DLC1: variants seen among roughly 807,000 people sequenced by gnomAD.
DLC1 encodes the protein rho GTPase-activating protein 7.
Under a neutral mutation model 140.3 loss-of-function variants are expected in DLC1, and 54 were observed. The observed-to-expected ratio is 0.38, with a 90% CI of 0.31 to 0.48. The LOEUF is 0.48. Ranked by LOEUF, DLC1 falls within the 20% of genes least tolerant of loss-of-function variation. The pLI is 0.96. For missense variants in DLC1, 2,536 were observed against 1,907.0 expected, an observed-to-expected ratio of 1.33 and a Z score of -6.14; for synonymous variants, 986 against 728.1, an observed-to-expected ratio of 1.35 and a Z score of -5.70.
chr8:13,530,821 G>C (rs944615153), intron 1 of DLC1, among the ~76,000 whole-genome samples: 2 of 152,064 alleles, frequency 1.3e-5, no homozygotes, highest in African/African-American at 4.8e-5. Context: ...TTTCATTTCG[G>C]AGTCATGAAA....
chr8:13,395,827 A>C (rs1837015172), intron 3 of DLC1, among the ~76,000 whole-genome samples: 1 of 150,790 alleles, frequency 6.6e-6, no homozygotes, highest in Non-Finnish European at 1.5e-5. Context: ...ATTTTGGATC[A>C]GGGCCATGTC....
chr8:13,145,811 A>C (rs933189583), intron 5 of DLC1, among the ~76,000 whole-genome samples: 4 of 152,240 alleles, frequency 2.6e-5, no homozygotes, highest in African/African-American at 9.6e-5. Flanking sequence ...ATATGAAGGG[A>C]ATATAAGATC....
intron 2 of DLC1, among the ~76,000 whole-genome samples, chr8:13,424,923 T>C (rs1838488062): frequency 6.6e-6 from 1 of 152,188 alleles, no homozygotes; most frequent in Non-Finnish European, 1.5e-5. Context: ...GCTTAGTACA[T>C]AATGTACCAA....
chr8:13,451,070 A>G (rs1236180075), intron 2 of DLC1, among the ~76,000 whole-genome samples: 1 of 143,352 alleles, frequency 7.0e-6, no homozygotes, highest in Non-Finnish European at 1.5e-5. Context: ...AAAAAAAAAG[A>G]AAAAAAGAAA....
intron 5 of DLC1, among the ~76,000 whole-genome samples, chr8:13,199,456 C>T (rs923946773): frequency 2.6e-5 from 4 of 152,100 alleles, no homozygotes; most frequent in African/African-American, 9.7e-5. Flanking sequence ...GATGGGATTA[C>T]AGGCTTGAGC....
intron 4 of DLC1, among the ~76,000 whole-genome samples, chr8:13,317,926 CACTT>C: frequency 6.6e-6 from 1 of 152,272 alleles, no homozygotes; most frequent in Non-Finnish European, 1.5e-5. Context: ...GAATAGGCAA[CACTT>C]ACTTAGTGGT....
intron 1 of DLC1, among the ~76,000 whole-genome samples, chr8:13,565,439 G>A (rs1017099425): frequency 6.6e-6 from 1 of 152,122 alleles, no homozygotes; most frequent in African/African-American, 2.4e-5. Context: ...GGAAAATATT[G>A]AGCCCTATTG....
upstream of DLC1, among the ~76,000 whole-genome samples, chr8:13,516,250 A>T (rs546916244): frequency 3.3e-5 from 5 of 152,320 alleles, no homozygotes; most frequent in Admixed American, 2.0e-4. Context: ...TAGGAAGTGC[A>T]AGAATAATTC....
intron 7 of DLC1, among the ~76,000 whole-genome samples, chr8:13,107,849 C>T (rs935702833): frequency 6.6e-6 from 1 of 152,030 alleles, no homozygotes; most frequent in Non-Finnish European, 1.5e-5. Flanking sequence ...TCAAGACCAG[C>T]CTGGCCAGTA....
At chr8:13,599,195 A>G (rs993510275) in intron 1 of DLC1, among the ~76,000 whole-genome samples, 24 of 151,930 alleles carry the variant, frequency 1.6e-4, no homozygotes, top group Non-Finnish European at 3.2e-4. Context: ...CAAAGGGAAG[A>G]AAAAAACATG....
chr8:13,185,861 A>G (rs1826341941), intron 5 of DLC1, among the ~76,000 whole-genome samples: 1 of 152,164 alleles, frequency 6.6e-6, no homozygotes, highest in South Asian at 2.1e-4. Flanking sequence ...AAAATCTCTC[A>G]GCATTTGCTT....
chr8:13,498,402 C>T (rs141009072), intron 2 of DLC1, among the ~76,000 whole-genome samples: 96 of 152,202 alleles, frequency 6.3e-4, no homozygotes, highest in African/African-American at 2.2e-3. Context: ...GTCAAAGGGG[C>T]TGTAGCATAA....
At chr8:13,091,256 C>G in intron 14 of DLC1, 62 bp downstream of exon 14, 42 of 1,550,442 alleles carry the variant, frequency 2.7e-5, no homozygotes, top group Non-Finnish European at 3.3e-5. Context: ...AGGGTCAAGC[C>G]TAAGATTTTG....
intron 1 of DLC1, among the ~76,000 whole-genome samples, chr8:13,522,310 G>A (rs981198941): frequency 6.6e-6 from 1 of 152,076 alleles, no homozygotes; most frequent in African/African-American, 2.4e-5. Flanking sequence ...CTTAAATGGG[G>A]GGTACGGAAT....
At chr8:13,597,886 A>T (rs181738458) in intron 1 of DLC1, among the ~76,000 whole-genome samples, 21 of 152,228 alleles carry the variant, frequency 1.4e-4, no homozygotes, top group Admixed American at 1.2e-3. Flanking sequence ...ATTGTATTAT[A>T]TATACAATAA....
chr8:13,574,671 A>G (rs955450492), intron 1 of DLC1, among the ~76,000 whole-genome samples: 1 of 152,200 alleles, frequency 6.6e-6, no homozygotes, highest in Non-Finnish European at 1.5e-5. Context: ...ATCATCAAAT[A>G]GACTAAAATT....
intron 5 of DLC1, among the ~76,000 whole-genome samples, chr8:13,298,829 G>T (rs1318210835): frequency 2.6e-5 from 4 of 152,144 alleles, no homozygotes; most frequent in African/African-American, 9.7e-5. Context: ...ATATACCCAT[G>T]CAACAAATCT....
At chr8:13,088,253 A>C (rs1017575132) in intron 16 of DLC1, among the ~76,000 whole-genome samples, 5 of 152,006 alleles carry the variant, frequency 3.3e-5, no homozygotes, top group Admixed American at 2.0e-4. Context: ...CTGATTTTTA[A>C]AATTTTTTTG....
intron 5 of DLC1, among the ~76,000 whole-genome samples, chr8:13,230,022 A>T (rs1828972823): frequency 6.6e-6 from 1 of 152,190 alleles, no homozygotes; most frequent in Non-Finnish European, 1.5e-5. Flanking sequence ...GGAGGCTTTG[A>T]TCTCTTCTGT....
Sources: allele counts gnomAD v4.1 joint callset (sites outside exome capture counted in the v4.1 genomes callset), GRCh38; gene constraint gnomAD v4.1.1; transcripts MANE v1.5; gene names NCBI Gene and HGNC (gene_info 2026-07-23, HGNC 2026-07-21).